Variants in NXPE2 observed in about 807,000 individuals in gnomAD.
NXPE2 encodes the protein NXPE family member 2.
In NXPE2, 34 loss-of-function variants were observed where a neutral mutation model predicts 34.4. That is an observed-to-expected ratio of 0.99 (90% confidence interval 0.75 to 1.31). The LOEUF (loss-of-function observed/expected upper bound fraction) is 1.31, where lower values mean the gene tolerates loss of function less well. NXPE2 is among the 40% of genes most tolerant of loss of function. The probability of loss-of-function intolerance (pLI) is 0.00; values close to 1 mark genes in which losing one functional copy is unlikely to be tolerated. For synonymous variants in NXPE2, 235 were observed against 231.3 expected, an observed-to-expected ratio of 1.02 and a Z score of -0.15; for missense variants, 649 against 672.5, an observed-to-expected ratio of 0.97 and a Z score of 0.39.
At chr11:114,468,058 C>T in the NXPE2 span, among the ~76,000 whole-genome samples, 1 of 151,492 alleles carries the variant, frequency 6.6e-6, no homozygotes, top group Non-Finnish European at 1.5e-5. Context: ...TTTGGCTTTC[C>T]TGGGCCACAT....
the NXPE2 span, among the ~76,000 whole-genome samples, chr11:114,538,102 C>T: frequency 6.6e-5 from 10 of 152,240 alleles, no homozygotes; most frequent in African/African-American, 2.4e-4. Flanking sequence ...TGGAACAGAA[C>T]AGAGCCCTCA....
the NXPE2 span, among the ~76,000 whole-genome samples, chr11:114,517,470 A>G: frequency 6.6e-6 from 1 of 152,082 alleles, no homozygotes; most frequent in African/African-American, 2.4e-5. Context: ...TTCACAGAAG[A>G]TTTATTTTTG....
the NXPE2 span, among the ~76,000 whole-genome samples, chr11:114,565,830 CAA>C: frequency 6.6e-6 from 1 of 151,996 alleles, no homozygotes; most frequent in Admixed American, 6.6e-5. Flanking sequence ...AGATTATGAG[CAA>C]AAGATCAGTT....
At chr11:114,647,611 C>G in the NXPE2 span, among the ~76,000 whole-genome samples, 155 of 152,158 alleles carry the variant, frequency 1.0e-3, 1 homozygote, top group Admixed American at 8.3e-3. Flanking sequence ...TTAATATTCT[C>G]TCTTTCAGCT....
At chr11:114,546,301 T>C in the NXPE2 span, among the ~76,000 whole-genome samples, 1 of 152,164 alleles carries the variant, frequency 6.6e-6, no homozygotes, top group Non-Finnish European at 1.5e-5. Context: ...TTCCTCATGA[T>C]TGATGTGGTA....
chr11:114,563,339 C>A, the NXPE2 span, among the ~76,000 whole-genome samples: 1 of 152,168 alleles, frequency 6.6e-6, no homozygotes, highest in Non-Finnish European at 1.5e-5. Flanking sequence ...TCATATGAGT[C>A]ATATAGGGAA....
chr11:114,584,992 C>A, the NXPE2 span, among the ~76,000 whole-genome samples: 1 of 152,054 alleles, frequency 6.6e-6, no homozygotes, highest in Non-Finnish European at 1.5e-5. Context: ...TCCTGAAATG[C>A]CAAGTGCCTG....
At chr11:114,580,189 G>C in the NXPE2 span, 1 of 1,613,882 alleles carries the variant, frequency 6.2e-7, no homozygotes, top group Non-Finnish European at 8.5e-7. Flanking sequence ...TCTCCCATTA[G>C]GTATATGAGT....
the NXPE2 span, among the ~76,000 whole-genome samples, chr11:114,494,237 T>C: frequency 6.6e-6 from 1 of 152,186 alleles, no homozygotes; most frequent in Non-Finnish European, 1.5e-5. Context: ...AATATTGATA[T>C]ATTCCCTAGG....
chr11:114,809,186 A>G, the NXPE2 span, among the ~76,000 whole-genome samples: 192 of 152,142 alleles, frequency 1.3e-3, 1 homozygote, highest in African/African-American at 4.0e-3. Flanking sequence ...TATTGATGGG[A>G]CGTATCTCAA....
chr11:114,698,044 G>A lies in NXPE2; in HGVS notation c.133-1G>A, dbSNP rs779038115. The A allele has an allele frequency of 3.4e-6, 5 of 1,483,902 alleles. No individual in the cohort carries two copies. Among genetic ancestry groups the A allele is most frequent in the Non-Finnish European group, 4.5e-6 (5 of 1,112,012 alleles). The allele number at this position is 1,483,902 out of a possible 1,614,324, so 91.9% of individuals were successfully genotyped here. Reference sequence around the variant, plus strand: ...TTTTCTTTTCCCTTTCAATATTTCAGTTCTCGTTCAACTTGGAAAACCATA... The same window carrying A: ...TTTTCTTTTCCCTTTCAATATTTCAATTCTCGTTCAACTTGGAAAACCATA... On this transcript the variant is annotated splice_acceptor_variant, in intron 2 of 5. Coordinates refer to ENST00000389586, the MANE Select transcript of NXPE2 (RefSeq NM_182495.6). LOFTEE classifies it high-confidence loss of function.
the NXPE2 span, among the ~76,000 whole-genome samples, chr11:114,531,199 G>A: frequency 1.3e-5 from 2 of 151,884 alleles, no homozygotes; most frequent in African/African-American, 2.4e-5. Flanking sequence ...CAATATTTTA[G>A]AGAATGTCTG....
At chr11:114,491,790 A>C in the NXPE2 span, among the ~76,000 whole-genome samples, 2 of 152,254 alleles carry the variant, frequency 1.3e-5, no homozygotes. Flanking sequence ...CTGGATTAAG[A>C]AAATGTGGCA....
the NXPE2 span, among the ~76,000 whole-genome samples, chr11:114,481,559 C>T: frequency 7.7e-4 from 116 of 151,608 alleles, no homozygotes; most frequent in African/African-American, 2.7e-3. Flanking sequence ...TGAATGACAC[C>T]TGGTAAGAAC....
At chr11:114,551,366 C>G in the NXPE2 span, 16 of 1,404,704 alleles carry the variant, frequency 1.1e-5, no homozygotes, top group African/African-American at 1.9e-4. Flanking sequence ...ACTCATACCC[C>G]CAATCCCTTT....
chr11:114,527,374 G>A, the NXPE2 span: 2 of 152,818 alleles, frequency 1.3e-5, no homozygotes, highest in Non-Finnish European at 2.9e-5. Flanking sequence ...TAAAGCTAAG[G>A]TAGTATAAAT....
the NXPE2 span, among the ~76,000 whole-genome samples, chr11:114,807,669 C>A: frequency 6.6e-6 from 1 of 151,552 alleles, no homozygotes; most frequent in Admixed American, 6.6e-5. Flanking sequence ...GCAACCAATA[C>A]AGGAGCACCC....
At chr11:114,700,312 G>A (rs1951341476) in intron 3 of NXPE2, among the ~76,000 whole-genome samples, 1 of 152,208 alleles carries the variant, frequency 6.6e-6, no homozygotes. Context: ...GGTCATAAGA[G>A]TAACAGTTTC....
chr11:114,773,858 C>T, the NXPE2 span, among the ~76,000 whole-genome samples: 1 of 152,230 alleles, frequency 6.6e-6, no homozygotes, highest in African/African-American at 2.4e-5. Context: ...CTGAAACTTA[C>T]ACCATTCACT....
Sources: allele counts gnomAD v4.1 joint callset (sites outside exome capture counted in the v4.1 genomes callset), GRCh38; gene constraint gnomAD v4.1.1; transcripts MANE v1.5; gene names NCBI Gene and HGNC (gene_info 2026-07-23, HGNC 2026-07-21).